Variants in VPS53 observed in about 807,000 individuals in gnomAD.
VPS53 encodes the protein VPS53 subunit of GARP complex, also known as vacuolar protein sorting-associated protein 53 homolog.
VPS53 carries 70 observed loss-of-function variants against 107.0 expected under a neutral mutation model. The ratio of observed to expected loss-of-function variants is 0.65; its 90% confidence interval spans 0.54 to 0.80. The LOEUF is 0.80. VPS53 is among the 30% of genes least tolerant of loss of function. The pLI, the probability that VPS53 is intolerant of heterozygous loss-of-function variation, is 0.00. For missense variants in VPS53, 917 were observed against 1,049.4 expected (o/e 0.87, Z 1.74); for synonymous variants, 409 against 393.3 (o/e 1.04, Z -0.47).
intron 13 of VPS53, among the ~76,000 whole-genome samples, chr17:583,806 T>C (rs1001468803): frequency 2.2e-4 from 32 of 148,028 alleles, no homozygotes; most frequent in Non-Finnish European, 2.8e-4. Flanking sequence ...AGGACCTCAA[T>C]GCATTCCCAG....
intron 11 of VPS53, among the ~76,000 whole-genome samples, chr17:607,313 G>C (rs115332765): frequency 1.5e-3 from 224 of 152,238 alleles, no homozygotes; most frequent in African/African-American, 5.2e-3. Flanking sequence ...CATCAACTTT[G>C]CACTTTCTAA....
intron 18 of VPS53, among the ~76,000 whole-genome samples, chr17:535,888 A>C (rs1397733746): frequency 6.6e-6 from 1 of 152,108 alleles, no homozygotes; most frequent in East Asian, 1.9e-4. Context: ...AGGTACAGGG[A>C]AACTGGGAGA....
intron 4 of VPS53, among the ~76,000 whole-genome samples, chr17:689,394 C>G (rs925570662): frequency 3.3e-5 from 5 of 151,784 alleles, no homozygotes; most frequent in African/African-American, 1.2e-4. Context: ...AACCCCTGGG[C>G]TCACGCAATC....
In VPS53 at chr17:580,358, T is replaced by A. The variant is rs184694156; in HGVS notation, c.1313+5912A>T. 5.1e-3 allele frequency among the ~76,000 whole-genome samples: 624 copies of A among 122,230 alleles called. 3 individuals are homozygous for A. The highest frequency in any genetic ancestry group is 8.6e-3 in the Middle Eastern group (1 of 116). 80.2% of individuals were successfully genotyped at this position (122,230 alleles called of 152,430 possible). ...CGTTTCCAGAGAACCTCCCTCACAA[T>A]CTCAGTGAATTCCCAGAGAACTTCC... On this transcript the variant is annotated intron_variant, in intron 13 of 21. Coordinates refer to ENST00000437048, the MANE Select transcript of VPS53 (RefSeq NM_001128159.3).
intron 19 of VPS53, among the ~76,000 whole-genome samples, chr17:530,981 T>A (rs1042889463): frequency 1.3e-5 from 2 of 152,176 alleles, no homozygotes; most frequent in Non-Finnish European, 2.9e-5. Context: ...ACAGCTGAGG[T>A]TGGGCTAAAT....
chr17:571,786 C>A (rs376078555), intron 13 of VPS53, among the ~76,000 whole-genome samples: 2,353 of 152,356 alleles, frequency 0.015, 21 homozygotes, highest in Middle Eastern at 0.031. Context: ...CGCGAGTGAT[C>A]CGCCAGCCTC....
At chr17:631,149 C>A (rs1450439848) in intron 8 of VPS53, among the ~76,000 whole-genome samples, 1 of 152,016 alleles carries the variant, frequency 6.6e-6, no homozygotes, top group South Asian at 2.1e-4. Context: ...CTGAGAGTTA[C>A]ATAAGATGGT....
rs182072789 is a variant in VPS53, at chr17:556,435, C to T, written c.1705-2973G>A. On this transcript the variant is annotated intron_variant, in intron 15 of 21. Coordinates refer to ENST00000437048, the MANE Select transcript of VPS53 (RefSeq NM_001128159.3). ...AAGTGGTATATGGGAACCATACAAACGATCTTTGCAATTTTTCTGTAAATG... is the reference window on the plus strand; with the variant it reads ...AAGTGGTATATGGGAACCATACAAATGATCTTTGCAATTTTTCTGTAAATG... Among the ~76,000 whole-genome samples the T allele has an allele frequency of 1.2e-3, 189 of 152,286 alleles. 1 individual carries two copies. Among genetic ancestry groups the T allele is most frequent in the African/African-American group, 3.4e-3 (142 of 41,558 alleles).
At chr17:690,603 C>T (rs572813697) in intron 4 of VPS53, among the ~76,000 whole-genome samples, 1 of 152,206 alleles carries the variant, frequency 6.6e-6, no homozygotes, top group African/African-American at 2.4e-5. Context: ...CCCAGCTCTG[C>T]GGACATCTGT....
At chr17:639,382 G>T (rs1056430332) in intron 7 of VPS53, among the ~76,000 whole-genome samples, 30 of 152,166 alleles carry the variant, frequency 2.0e-4, no homozygotes, top group Non-Finnish European at 3.8e-4. Context: ...TTAGCTCAGA[G>T]AAGTTTGATC....
intron 17 of VPS53, among the ~76,000 whole-genome samples, chr17:544,141 A>G (rs1218856429): frequency 1.3e-5 from 2 of 152,142 alleles, no homozygotes; most frequent in Admixed American, 1.3e-4. Context: ...TGGCTGTTCA[A>G]CACATCTTCT....
At chr17:710,087 G>C (rs1973580933) in intron 2 of VPS53, among the ~76,000 whole-genome samples, 1 of 152,162 alleles carries the variant, frequency 6.6e-6, no homozygotes, top group South Asian at 2.1e-4. Context: ...AGACGTTGCA[G>C]TGAGCCGAGA....
At chr17:644,921 C>G (rs936191101) in intron 7 of VPS53, among the ~76,000 whole-genome samples, 2 of 152,122 alleles carry the variant, frequency 1.3e-5, no homozygotes, top group Non-Finnish European at 2.9e-5. Context: ...TCTGTATTAA[C>G]CTACACAAAA....
intron 4 of VPS53, chr17:673,777 C>T (rs996221390): frequency 6.6e-5 from 10 of 152,174 alleles, no homozygotes; most frequent in South Asian, 2.1e-4. Context: ...AAAGAGCAAA[C>T]GGAGTAATTC....
At chr17:697,612 A>C in intron 3 of VPS53, 128 bp from the exon 4 acceptor site, 1 of 751,980 alleles carries the variant, frequency 1.3e-6, no homozygotes, top group Non-Finnish European at 2.2e-6. Context: ...AGAAAACCAA[A>C]CATGTGTGAG....
chr17:550,368 A>C (rs1911711096), intron 17 of VPS53, among the ~76,000 whole-genome samples: 1 of 152,240 alleles, frequency 6.6e-6, no homozygotes. Flanking sequence ...AGACATTGGC[A>C]AACTTTTTCT....
At chr17:696,918 G>C (rs1022791237) in intron 4 of VPS53, among the ~76,000 whole-genome samples, 31 of 150,100 alleles carry the variant, frequency 2.1e-4, no homozygotes, top group African/African-American at 7.6e-4. Context: ...TCAGCCTCCT[G>C]AGTAGCTGGG....
At chr17:656,799 C>T (rs1971209456) in intron 5 of VPS53, 10 of 1,495,742 alleles carry the variant, frequency 6.7e-6, no homozygotes, top group Middle Eastern at 1.7e-4. Context: ...CCATTTCACC[C>T]GCTGCTCTGT....
At chr17:546,446 A>C (rs989598844) in intron 17 of VPS53, among the ~76,000 whole-genome samples, 1 of 152,080 alleles carries the variant, frequency 6.6e-6, no homozygotes, top group Non-Finnish European at 1.5e-5. Context: ...ACAGAATGGG[A>C]GAGAATATTT....
Sources: allele counts gnomAD v4.1 joint callset (sites outside exome capture counted in the v4.1 genomes callset), GRCh38; gene constraint gnomAD v4.1.1; transcripts MANE v1.5; gene names NCBI Gene and HGNC (gene_info 2026-07-23, HGNC 2026-07-21).